MAP3K7: variants seen among roughly 807,000 people sequenced by gnomAD.
MAP3K7 encodes mitogen-activated protein kinase kinase kinase 7, also known as TGF-beta activated kinase 1.
MAP3K7 carries 21 observed loss-of-function variants against 84.8 expected under a neutral mutation model. The ratio of observed to expected loss-of-function variants is 0.25; its 90% CI spans 0.18 to 0.36. MAP3K7 has a LOEUF of 0.36. Among genes scored for constraint, MAP3K7 ranks in the 10% least tolerant of loss-of-function variants. The probability of loss-of-function intolerance (pLI) is 1.00; values close to 1 mark genes in which losing one functional copy is unlikely to be tolerated. For missense variants in MAP3K7, 503 were observed against 747.7 expected, an observed-to-expected ratio of 0.67 and a Z score of 3.82; for synonymous variants, 241 against 247.7, an observed-to-expected ratio of 0.97 and a Z score of 0.25.
At position 90,586,750 on chromosome 6, in the gene MAP3K7, C is replaced by T. The variant is rs1777474027; in HGVS notation, c.120+14G>A. ...CAGGCCGGGACCGGCGTCTCCATGC[C>T]GGGCCTCGCTCACCTCTTCCACCTC... On this transcript the variant is annotated intron_variant, in intron 1 of 16. Coordinates refer to ENST00000369329, the MANE Select transcript of MAP3K7 (RefSeq NM_145331.3). 1.3e-6 allele frequency: 2 copies of T among 1,573,558 alleles called. No individual in the cohort carries two copies. Among genetic ancestry groups the T allele is most frequent in the African/African-American group, 2.7e-5 (2 of 73,760 alleles).
chr6:90,556,741 AAC>A, intron 5 of MAP3K7, 117 bp from the exon 6 acceptor site: 7 of 1,007,460 alleles, frequency 6.9e-6, no homozygotes, highest in Non-Finnish European at 8.4e-6. Context: ...GTTATCATTC[AAC>A]TTCTGTGAAA....
intron 12 of MAP3K7, 153 bp from the exon 13 acceptor site, chr6:90,536,554 A>G (rs1775686792): frequency 1.7e-6 from 1 of 600,246 alleles, no homozygotes; most frequent in Admixed American, 3.0e-5. Flanking sequence ...CTAAGAAAAA[A>G]AAAAAAGAAG....
intron 12 of MAP3K7, among the ~76,000 whole-genome samples, chr6:90,539,127 T>C (rs1329877764): frequency 1.3e-5 from 2 of 151,916 alleles, no homozygotes; most frequent in Non-Finnish European, 2.9e-5. Context: ...TTTTAAAATA[T>C]ATGTTCTAAT....
chr6:90,522,939 A>C (rs994753111), intron 14 of MAP3K7, among the ~76,000 whole-genome samples: 1 of 152,308 alleles, frequency 6.6e-6, no homozygotes, highest in Non-Finnish European at 1.5e-5. Context: ...TTAATATAAT[A>C]TAAATAAAAA....
Position 90,587,029 on chromosome 6 carries a change from C to G in MAP3K7, c.-146G>C. The G allele has an allele frequency of 3.2e-6, 3 of 949,252 alleles. No individual in the cohort carries two copies. The highest frequency in any genetic ancestry group is 4.3e-6 in the Non-Finnish European group (3 of 691,100). The allele number at this position is 949,252 out of a possible 1,614,324, so 58.8% of individuals were successfully genotyped here. ...CGATCCGTGGCGGGGGTAGAGGCAG[C>G]GGCCACAGCCGTGTCCGGCTCTGGC... is the stretch of plus-strand genomic sequence containing the variant. On this transcript the variant is annotated 5_prime_UTR_variant, in exon 1 of 17. Transcript: ENST00000369329.
At chr6:90,542,172 A>G (rs1192597072) in intron 12 of MAP3K7, 1 of 918,516 alleles carries the variant, frequency 1.1e-6, no homozygotes, top group Non-Finnish European at 1.3e-6. Flanking sequence ...CCTTCTTTAC[A>G]ATTAAAATGT....
At chr6:90,521,042 T>C (rs1775131942) in intron 14 of MAP3K7, among the ~76,000 whole-genome samples, 1 of 152,086 alleles carries the variant, frequency 6.6e-6, no homozygotes, top group Non-Finnish European at 1.5e-5. Context: ...CGTGGTATTC[T>C]GGGAGCAGAA....
chr6:90,559,930 A>G lies in MAP3K7; in HGVS notation c.482+146T>C. ...GATAAATGACTAAATGATGAAGGTG[A>G]GTTAAAAGTAAACACTGAGTAAGCC... On this transcript the variant is annotated intron_variant, in intron 5 of 16. Transcript: ENST00000369329. 3 of 751,086 alleles carry G rather than the reference A, an allele frequency of 4.0e-6. No individual in the cohort carries two copies. The South Asian group carries it at 5.8e-5, about 14-fold the overall frequency. 46.5% of individuals were successfully genotyped at this position (751,086 alleles called of 1,614,324 possible). A position where few individuals can be genotyped will look rare whatever the true frequency, so the allele number is the denominator to read the frequency against.
At chr6:90,583,351 T>G (rs1777342102) in intron 1 of MAP3K7, among the ~76,000 whole-genome samples, 1 of 152,208 alleles carries the variant, frequency 6.6e-6, no homozygotes. Context: ...GTAAATCCAG[T>G]GGAAAGGGCA....
At chr6:90,559,326 T>C (rs34144118) in intron 5 of MAP3K7, among the ~76,000 whole-genome samples, 3,118 of 152,058 alleles carry the variant, frequency 0.021, 118 homozygotes, top group African/African-American at 0.072. Context: ...CTGAAGACTA[T>C]ACTGATTTCC....
chr6:90,541,266 T>A (rs1459445630), intron 12 of MAP3K7, among the ~76,000 whole-genome samples: 1 of 152,010 alleles, frequency 6.6e-6, no homozygotes, highest in East Asian at 1.9e-4. Flanking sequence ...AAAATCTATT[T>A]CTTTTCTCGA....
intron 1 of MAP3K7, among the ~76,000 whole-genome samples, chr6:90,580,636 G>A (rs1427141393): frequency 6.6e-6 from 1 of 152,114 alleles, no homozygotes; most frequent in Non-Finnish European, 1.5e-5. Flanking sequence ...TATTTTAAAT[G>A]ACTGTTTTTT....
intron 7 of MAP3K7, among the ~76,000 whole-genome samples, 187 bp from the exon 8 acceptor site, chr6:90,552,366 C>G (rs1776209389): frequency 6.6e-6 from 1 of 152,130 alleles, no homozygotes; most frequent in Non-Finnish European, 1.5e-5. Context: ...CTCTTTACTT[C>G]ACGGACGTTC....
chr6:90,530,677 C>T (rs913267283), intron 13 of MAP3K7, among the ~76,000 whole-genome samples: 14 of 152,034 alleles, frequency 9.2e-5, no homozygotes, highest in South Asian at 2.1e-4. Flanking sequence ...TAAAAATATG[C>T]TAATATGTTT....
At chr6:90,533,371 T>C (rs1582175457) in intron 13 of MAP3K7, among the ~76,000 whole-genome samples, 1 of 152,132 alleles carries the variant, frequency 6.6e-6, no homozygotes, top group Non-Finnish European at 1.5e-5. Flanking sequence ...ATGCTTACCA[T>C]GGGGCAGCAT....
At chr6:90,544,413 A>C in intron 12 of MAP3K7, 139 bp downstream of exon 12, 2 of 679,784 alleles carry the variant, frequency 2.9e-6, no homozygotes, top group Non-Finnish European at 5.3e-6. Context: ...GTAGTTTTTC[A>C]ATCTGTCTCC....
chr6:90,547,512 G>T, intron 10 of MAP3K7, 125 bp from the exon 11 acceptor site: 1 of 1,091,734 alleles, frequency 9.2e-7, no homozygotes, highest in Non-Finnish European at 1.3e-6. Context: ...GAAAGGAGAG[G>T]GAAGTTTGTA....
intron 1 of MAP3K7, among the ~76,000 whole-genome samples, chr6:90,582,145 A>G (rs1173409421): frequency 6.6e-6 from 1 of 152,204 alleles, no homozygotes; most frequent in Non-Finnish European, 1.5e-5. Flanking sequence ...GCTTACTCAT[A>G]GCATCTGGCC....
intron 3 of MAP3K7, among the ~76,000 whole-genome samples, chr6:90,567,127 C>A (rs1391830396): frequency 7.2e-5 from 11 of 152,146 alleles, no homozygotes; most frequent in Non-Finnish European, 1.5e-5. Context: ...AAAACCTAGG[C>A]AATACCATTC....
Sources: allele counts gnomAD v4.1 joint callset (sites outside exome capture counted in the v4.1 genomes callset), GRCh38; gene constraint gnomAD v4.1.1; transcripts MANE v1.5; gene names NCBI Gene and HGNC (gene_info 2026-07-23, HGNC 2026-07-21).